The following DMD variants were observed in gnomAD, a reference collection of about 807,000 sequenced individuals.
DMD encodes the protein mutant dystrophin.
In DMD, 63 loss-of-function variants were observed where a neutral mutation model predicts 330.1. The ratio of observed to expected loss-of-function variants is 0.19; its 90% CI spans 0.16 to 0.24. The LOEUF (loss-of-function observed/expected upper bound fraction) is 0.24. DMD is among the 10% of genes least tolerant of loss of function. The pLI is 1.00. For missense variants in DMD, 3,344 were observed against 2,684.1 expected (o/e 1.25, Z -5.43); for synonymous variants, 1,223 against 959.8 (o/e 1.27, Z -5.07).
chrX:31,678,450 T>C (rs1169485489), intron 53 of DMD, among the ~76,000 whole-genome samples: 1 of 112,076 alleles, frequency 8.9e-6, no homozygotes, highest in African/African-American at 3.2e-5. Flanking sequence ...AAATACTAAG[T>C]TTGAAGGGAT....
At chrX:32,792,204 T>C (rs2075868976) in intron 7 of DMD, among the ~76,000 whole-genome samples, 1 of 111,507 alleles carries the variant, frequency 9.0e-6, no homozygotes. Flanking sequence ...TGGAAATTTA[T>C]CACCATGATA....
At chrX:33,021,850 T>C (rs1338373449) in intron 1 of DMD, among the ~76,000 whole-genome samples, 1 of 111,791 alleles carries the variant, frequency 8.9e-6, no homozygotes, top group Non-Finnish European at 1.9e-5. Flanking sequence ...AATATGGAAG[T>C]ATTTCCTTTG....
intron 37 of DMD, 144 bp from the exon 38 acceptor site, chrX:32,348,672 A>C (rs2097772001): frequency 1.8e-6 from 1 of 557,488 alleles, no homozygotes; most frequent in East Asian, 3.8e-5. Context: ...AAGGGTTTTG[A>C]AATACAACTG....
At chrX:31,942,293 C>G (rs2095017219) in intron 45 of DMD, among the ~76,000 whole-genome samples, 1 of 111,905 alleles carries the variant, frequency 8.9e-6, no homozygotes, top group East Asian at 2.8e-4. Flanking sequence ...TTGTCTCCTT[C>G]TTATCCACTC....
At chrX:32,770,189 A>G (rs1027229877) in intron 7 of DMD, among the ~76,000 whole-genome samples, 1 of 111,843 alleles carries the variant, frequency 8.9e-6, no homozygotes, top group Admixed American at 9.5e-5. Flanking sequence ...CAAGAGAATG[A>G]CATGCTTAGA....
At chrX:33,030,146 A>G (rs1186925279) in intron 1 of DMD, among the ~76,000 whole-genome samples, 3 of 111,897 alleles carry the variant, frequency 2.7e-5, no homozygotes. Flanking sequence ...ATGCTGAGAA[A>G]GAGAAAAAAA....
chrX:33,188,688 T>C (rs2050381106), intron 1 of DMD, among the ~76,000 whole-genome samples: 1 of 112,156 alleles, frequency 8.9e-6, no homozygotes. Flanking sequence ...CTCCTTGTTA[T>C]GGGCTAAATT....
intron 50 of DMD, among the ~76,000 whole-genome samples, chrX:31,799,970 G>C (rs972484386): frequency 8.9e-6 from 1 of 112,921 alleles, no homozygotes; most frequent in South Asian, 3.6e-4. Flanking sequence ...CAAGAGGTGG[G>C]CTCCCATGGC....
At chrX:32,544,476 AC>A (rs1170545827) in intron 17 of DMD, among the ~76,000 whole-genome samples, 2 of 111,699 alleles carry the variant, frequency 1.8e-5, no homozygotes, top group African/African-American at 6.5e-5. Context: ...GGGAAATTGT[AC>A]CTTTTAAAAT....
At chrX:32,436,886 G>A (rs910560580) in intron 29 of DMD, among the ~76,000 whole-genome samples, 1 of 109,478 alleles carries the variant, frequency 9.1e-6, no homozygotes, top group Admixed American at 9.8e-5. Flanking sequence ...CAGGGAGGTC[G>A]AGGCTACAGT....
At chrX:32,609,807 C>G (rs141316736) in intron 12 of DMD, among the ~76,000 whole-genome samples, 5 of 110,924 alleles carry the variant, frequency 4.5e-5, no homozygotes, top group African/African-American at 1.6e-4. Flanking sequence ...TTCACATCGG[C>G]AAATTCTTGT....
At chrX:31,662,038 A>C (rs1285382386) in intron 53 of DMD, among the ~76,000 whole-genome samples, 3 of 111,820 alleles carry the variant, frequency 2.7e-5, no homozygotes, top group Non-Finnish European at 5.6e-5. Context: ...AAAAGAGAGG[A>C]GGAAGAGAAA....
chrX:32,718,171 C>T (rs764245229), intron 7 of DMD, among the ~76,000 whole-genome samples: 2 of 110,772 alleles, frequency 1.8e-5, no homozygotes, highest in Admixed American at 9.6e-5. Flanking sequence ...TGGGGCAGAA[C>T]GATATAGTTT....
intron 44 of DMD, among the ~76,000 whole-genome samples, chrX:32,184,697 GCTT>G: frequency 9.0e-6 from 1 of 111,010 alleles, no homozygotes; most frequent in Middle Eastern, 4.7e-3. Flanking sequence ...AGTCATTCAT[GCTT>G]CTTTTGTTTG....
At chrX:32,254,851 T>C (rs1296275874) in intron 43 of DMD, among the ~76,000 whole-genome samples, 1 of 112,018 alleles carries the variant, frequency 8.9e-6, no homozygotes, top group Admixed American at 9.5e-5. Context: ...TGGGAAAATA[T>C]ACAAAATATT....
chrX:31,482,828 G>C (rs2068418509), intron 57 of DMD, among the ~76,000 whole-genome samples: 1 of 111,152 alleles, frequency 9.0e-6, no homozygotes, highest in Non-Finnish European at 1.9e-5. Context: ...GTGAAAGACG[G>C]AAGCTAGCAG....
At chrX:31,429,448 A>T (rs2063910249) in intron 60 of DMD, among the ~76,000 whole-genome samples, 1 of 111,653 alleles carries the variant, frequency 9.0e-6, no homozygotes, top group Admixed American at 9.5e-5. Flanking sequence ...TCTTCGGCCA[A>T]CAGCTGGGGG....
chrX:31,375,214 T>C (rs942567389), intron 60 of DMD, among the ~76,000 whole-genome samples: 1 of 112,143 alleles, frequency 8.9e-6, no homozygotes. Context: ...CTTCACCCAT[T>C]TGATTTACTG....
intron 1 of DMD, among the ~76,000 whole-genome samples, chrX:33,036,087 T>C (rs1482221929): frequency 1.8e-5 from 2 of 110,746 alleles, no homozygotes; most frequent in African/African-American, 3.3e-5. Context: ...AACCAATAGA[T>C]TGTAATTAGT....
Sources: allele counts gnomAD v4.1 joint callset (sites outside exome capture counted in the v4.1 genomes callset), GRCh38; gene constraint gnomAD v4.1.1; transcripts MANE v1.5; gene names NCBI Gene and HGNC (gene_info 2026-07-23, HGNC 2026-07-21).